The following FAM107B variants were observed in gnomAD, a reference collection of about 807,000 sequenced individuals.
FAM107B encodes the protein protein FAM107B.
FAM107B carries 21 observed loss-of-function variants against 31.5 expected under a neutral mutation model. The ratio of observed to expected loss-of-function variants is 0.67; its 90% confidence interval spans 0.47 to 0.96. The LOEUF (loss-of-function observed/expected upper bound fraction) is 0.96. FAM107B is among the 40% of genes least tolerant of loss of function. The pLI is 0.00. For synonymous variants in FAM107B, 157 were observed against 141.5 expected, an observed-to-expected ratio of 1.11 and a Z score of -0.78; for missense variants, 452 against 377.1, an observed-to-expected ratio of 1.20 and a Z score of -1.64.
At chr10:14,643,937 C>T (rs1302207038) in intron 2 of FAM107B, among the ~76,000 whole-genome samples, 1 of 152,192 alleles carries the variant, frequency 6.6e-6, no homozygotes, top group African/African-American at 2.4e-5. Context: ...ATTTCAACAA[C>T]ATCACTTTGG....
chr10:14,629,804 G>T (rs957007653), intron 2 of FAM107B, among the ~76,000 whole-genome samples: 3 of 151,202 alleles, frequency 2.0e-5, no homozygotes, highest in African/African-American at 7.3e-5. Flanking sequence ...GAGCCACCAC[G>T]CCTGGCCCAT....
chr10:14,761,604 T>C (rs987037591), intron 1 of FAM107B, among the ~76,000 whole-genome samples: 4 of 152,114 alleles, frequency 2.6e-5, no homozygotes, highest in African/African-American at 9.7e-5. Flanking sequence ...AGCTCTTTTT[T>C]CTTTTTTTTC....
intron 2 of FAM107B, among the ~76,000 whole-genome samples, chr10:14,563,858 C>T (rs1405170211): frequency 1.3e-5 from 2 of 152,046 alleles, no homozygotes; most frequent in East Asian, 3.8e-4. Flanking sequence ...AACAGATTCA[C>T]AAAAATGGAA....
chr10:14,540,065 G>C (rs1036616768), intron 2 of FAM107B, among the ~76,000 whole-genome samples: 1 of 152,208 alleles, frequency 6.6e-6, no homozygotes, highest in Non-Finnish European at 1.5e-5. Flanking sequence ...TGCAGCTCTG[G>C]GTGTCCCAGC....
chr10:14,522,275 A>G (rs951043112), intron 3 of FAM107B: 14 of 464,086 alleles, frequency 3.0e-5, no homozygotes, highest in Non-Finnish European at 4.2e-5. Context: ...TGTGCAAGAC[A>G]CTAGGCTACG....
At chr10:14,667,868 AAGTAG>A (rs113901025) in intron 1 of FAM107B, among the ~76,000 whole-genome samples, 177 bp from the exon 2 acceptor site, 24,948 of 152,014 alleles carry the variant, frequency 0.16, 2,189 homozygotes, top group East Asian at 0.32. Flanking sequence ...AATAAATGCC[AAGTAG>A]AGTAGAGTAA....
intron 2 of FAM107B, among the ~76,000 whole-genome samples, chr10:14,623,765 G>A (rs557442747): frequency 8.5e-5 from 13 of 152,296 alleles, no homozygotes; most frequent in South Asian, 2.1e-4. Context: ...GGAGGAGGCC[G>A]CAGTGAGCTG....
intron 2 of FAM107B, among the ~76,000 whole-genome samples, chr10:14,552,973 G>A (rs539370269): frequency 6.6e-6 from 1 of 152,294 alleles, no homozygotes; most frequent in East Asian, 1.9e-4. Flanking sequence ...CAGCTCTCTT[G>A]AGACTAGCGA....
intron 2 of FAM107B, chr10:14,553,391 TA>T (rs756478120): frequency 7.9e-4 from 889 of 1,121,072 alleles, no homozygotes; most frequent in Admixed American, 1.9e-3. Context: ...CATTCTCCTT[TA>T]AAAAAAAAAC....
chr10:14,677,265 C>G (rs1270555536), intron 1 of FAM107B, among the ~76,000 whole-genome samples: 1 of 152,188 alleles, frequency 6.6e-6, no homozygotes, highest in Non-Finnish European at 1.5e-5. Context: ...GGCTCTCAAA[C>G]CCGTGATATA....
chr10:14,619,690 T>C (rs1852949410), intron 2 of FAM107B, among the ~76,000 whole-genome samples: 1 of 141,874 alleles, frequency 7.0e-6, no homozygotes, highest in African/African-American at 2.6e-5. Context: ...CTTTTACGAT[T>C]TGTGTTTGTG....
chr10:14,590,842 A>T (rs1288686595), intron 2 of FAM107B, among the ~76,000 whole-genome samples: 1 of 151,452 alleles, frequency 6.6e-6, no homozygotes, highest in Non-Finnish European at 1.5e-5. Context: ...ACACAAAATT[A>T]GATGGGTGTG....
chr10:14,753,161 G>GACACAA (rs1264638961), intron 1 of FAM107B, among the ~76,000 whole-genome samples: 1 of 152,184 alleles, frequency 6.6e-6, no homozygotes, highest in Admixed American at 6.5e-5. Context: ...GACACACACA[G>GACACAA]ACACAAACAC....
intron 1 of FAM107B, among the ~76,000 whole-genome samples, chr10:14,745,888 T>C (rs1023597321): frequency 6.6e-6 from 1 of 152,148 alleles, no homozygotes; most frequent in Non-Finnish European, 1.5e-5. Flanking sequence ...TGCCTAATAT[T>C]GACAGTGGGG....
intron 2 of FAM107B, among the ~76,000 whole-genome samples, chr10:14,541,887 G>A (rs576298702): frequency 1.4e-4 from 22 of 152,142 alleles, no homozygotes; most frequent in Non-Finnish European, 2.6e-4. Flanking sequence ...CCAGAGGCCA[G>A]CAAACCTCTC....
At chr10:14,700,361 AT>A (rs1361140966) in intron 1 of FAM107B, among the ~76,000 whole-genome samples, 1 of 152,208 alleles carries the variant, frequency 6.6e-6, no homozygotes, top group Non-Finnish European at 1.5e-5. Context: ...CAGGAGAACT[AT>A]TCTTTGAATA....
intron 2 of FAM107B, among the ~76,000 whole-genome samples, chr10:14,572,761 T>TATGTATATATATATATATATATATATA: frequency 1.3e-5 from 1 of 76,038 alleles, no homozygotes; most frequent in Non-Finnish European, 2.7e-5. Flanking sequence ...ATATATATAT[T>TATGTATATATATATATATATATATATA]AGAGTGTGTG....
chr10:14,732,498 T>C (rs1475200897), intron 1 of FAM107B, among the ~76,000 whole-genome samples: 3 of 152,212 alleles, frequency 2.0e-5, no homozygotes, highest in Non-Finnish European at 4.4e-5. Context: ...TATATATTTC[T>C]GGACTATTTT....
intron 1 of FAM107B, among the ~76,000 whole-genome samples, chr10:14,741,095 A>T (rs1023852562): frequency 2.6e-5 from 4 of 152,132 alleles, no homozygotes; most frequent in Non-Finnish European, 5.9e-5. Flanking sequence ...GGGGCTCCCC[A>T]TGGCTTTGGG....
Sources: gnomAD v4.1 joint callset for allele counts (sites outside exome capture counted in the v4.1 genomes callset) on GRCh38, gnomAD v4.1.1 for gene constraint, MANE v1.5 for transcripts, NCBI Gene and HGNC (gene_info 2026-07-23, HGNC 2026-07-21) for gene names.